TMEM154: variants seen among roughly 807,000 people sequenced by gnomAD.
The protein encoded by TMEM154 is transmembrane protein 154.
Under a neutral mutation model 24.5 loss-of-function variants are expected in TMEM154, and 27 were observed. That is an observed-to-expected ratio of 1.10 (90% CI 0.81 to 1.52). TMEM154 has a LOEUF of 1.52. TMEM154 is among the 40% of genes most tolerant of loss of function. The pLI, the probability that TMEM154 is intolerant of heterozygous loss-of-function variation, is 0.00. For missense variants in TMEM154, 228 were observed against 213.4 expected (o/e 1.07, Z -0.43); for synonymous variants, 67 against 76.8 (o/e 0.87, Z 0.67).
chr4:152,628,392 A>T lies in TMEM154; in HGVS notation c.*154T>A. 1 of 1,239,204 alleles carries T rather than the reference A, an allele frequency of 8.1e-7. No individual in the cohort carries two copies. Among genetic ancestry groups the T allele is most frequent in the Non-Finnish European group, 1.2e-6 (1 of 858,810 alleles). 76.8% of individuals were successfully genotyped at this position (1,239,204 alleles called of 1,614,324 possible). On this transcript the variant is annotated 3_prime_UTR_variant, in exon 7 of 7. Transcript: ENST00000304385. ...TCCAAGTGCAAGTGATGCCATCATT[A>T]GGAAGAGTGGGCGTTGGAAGAAACA...
At chr4:152,675,745 C>T (rs376788056) in intron 1 of TMEM154, among the ~76,000 whole-genome samples, 44 of 152,342 alleles carry the variant, frequency 2.9e-4, no homozygotes, top group African/African-American at 9.6e-4. Context: ...AATCTACCCT[C>T]GGACCAGTAG....
At chr4:152,662,149 C>G (rs1214291744) in intron 1 of TMEM154, among the ~76,000 whole-genome samples, 1 of 152,012 alleles carries the variant, frequency 6.6e-6, no homozygotes, top group Non-Finnish European at 1.5e-5. Flanking sequence ...CTTCAGTTTG[C>G]ACACAGGCAA....
chr4:152,639,437 T>C (rs544769440), intron 6 of TMEM154, among the ~76,000 whole-genome samples: 1 of 152,350 alleles, frequency 6.6e-6, no homozygotes, highest in South Asian at 2.1e-4. Context: ...TATGGAGTTT[T>C]AGTAGTGATC....
At chr4:152,639,767 C>T (rs981071940) in intron 6 of TMEM154, 1 of 152,758 alleles carries the variant, frequency 6.5e-6, no homozygotes, top group Admixed American at 6.5e-5. Context: ...CAAGCGCCAC[C>T]AAGCATGACC....
At chr4:152,652,626 T>C in intron 2 of TMEM154, 41 bp downstream of exon 2, 1 of 1,613,510 alleles carries the variant, frequency 6.2e-7, no homozygotes, top group Non-Finnish European at 8.5e-7. Context: ...CACTAACACA[T>C]GAAGCAATTT....
intron 1 of TMEM154, among the ~76,000 whole-genome samples, chr4:152,665,488 T>C (rs1728701077): frequency 6.6e-6 from 1 of 152,164 alleles, no homozygotes; most frequent in Non-Finnish European, 1.5e-5. Flanking sequence ...AAATCATCAC[T>C]GAAGTCTCAA....
Position 152,627,126 on chromosome 4 carries a change from T to G in TMEM154, c.*1420A>C, listed in dbSNP as rs1250544496. 6.6e-6 allele frequency: 1 copy of G among 152,266 alleles called. No individual in the cohort carries two copies. Among genetic ancestry groups the G allele is most frequent in the Non-Finnish European group, 1.5e-5 (1 of 68,048 alleles). The allele number at this position is 152,266 out of a possible 1,614,324, so 9.4% of individuals were successfully genotyped here. ...GAAAGACCTCTCTGGTCTGGAACTC[T>G]GCCTTTGAAATTATCCACGTAGTTC... is the stretch of plus-strand genomic sequence containing the variant. On this transcript the variant is annotated 3_prime_UTR_variant, in exon 7 of 7. Transcript: ENST00000304385.
intron 4 of TMEM154, among the ~76,000 whole-genome samples, chr4:152,644,047 A>C (rs1331459206): frequency 6.6e-6 from 1 of 152,132 alleles, no homozygotes; most frequent in East Asian, 1.9e-4. Flanking sequence ...ATACCAGCTC[A>C]AGTATCTTTC....
At chr4:152,631,728 G>A (rs1168858387) in intron 6 of TMEM154, among the ~76,000 whole-genome samples, 2 of 149,952 alleles carry the variant, frequency 1.3e-5, no homozygotes, top group African/African-American at 4.9e-5. Flanking sequence ...ACCATGGCCA[G>A]CCAGCCTATT....
intron 6 of TMEM154, among the ~76,000 whole-genome samples, chr4:152,631,808 T>G (rs2149777743): frequency 8.1e-6 from 1 of 123,008 alleles, no homozygotes; most frequent in Middle Eastern, 3.7e-3. Flanking sequence ...TTTTTTTTTT[T>G]TTTTTTTTTT....
intron 1 of TMEM154, among the ~76,000 whole-genome samples, chr4:152,661,689 A>T (rs1728616774): frequency 6.6e-6 from 1 of 152,212 alleles, no homozygotes; most frequent in East Asian, 1.9e-4. Context: ...TCTAATCTGT[A>T]CAACTAAGGA....
chr4:152,630,277 A>C (rs1752010769), intron 6 of TMEM154, among the ~76,000 whole-genome samples: 1 of 129,724 alleles, frequency 7.7e-6, no homozygotes, highest in Non-Finnish European at 1.6e-5. Flanking sequence ...GTGCCACTGC[A>C]CTCCAGCCTG....
At chr4:152,666,424 C>T (rs1048177040) in intron 1 of TMEM154, 1 of 152,068 alleles carries the variant, frequency 6.6e-6, no homozygotes, top group Non-Finnish European at 1.5e-5. Context: ...TTCGTGAAGA[C>T]AGTCATTAGT....
intron 1 of TMEM154, among the ~76,000 whole-genome samples, chr4:152,675,982 G>A (rs371411816): frequency 1.4e-4 from 22 of 152,256 alleles, no homozygotes; most frequent in African/African-American, 4.6e-4. Flanking sequence ...GTATTTGGTC[G>A]TAATGGCCAG....
chr4:152,639,283 A>G (rs557210795), intron 6 of TMEM154, among the ~76,000 whole-genome samples: 1 of 152,342 alleles, frequency 6.6e-6, no homozygotes, highest in African/African-American at 2.4e-5. Flanking sequence ...TTTCACTGCC[A>G]TACAATTCTG....
intron 1 of TMEM154, among the ~76,000 whole-genome samples, chr4:152,670,962 A>T (rs1728823288): frequency 6.6e-6 from 1 of 152,168 alleles, no homozygotes; most frequent in Admixed American, 6.5e-5. Flanking sequence ...CGGTAATTAT[A>T]ATACAGATTA....
chr4:152,665,786 T>G (rs1483719606), intron 1 of TMEM154, among the ~76,000 whole-genome samples: 1 of 147,608 alleles, frequency 6.8e-6, no homozygotes, highest in African/African-American at 2.5e-5. Context: ...CCCAAGAATT[T>G]GCTTTTTTTT....
intron 6 of TMEM154, among the ~76,000 whole-genome samples, chr4:152,634,026 C>T (rs113975646): frequency 0.021 from 2,053 of 99,678 alleles, 72 homozygotes; most frequent in African/African-American, 0.069. Flanking sequence ...AGTGAGACCC[C>T]ATCTCAAAAA....
At chr4:152,665,084 A>T (rs1728689464) in intron 1 of TMEM154, among the ~76,000 whole-genome samples, 1 of 152,176 alleles carries the variant, frequency 6.6e-6, no homozygotes, top group Non-Finnish European at 1.5e-5. Flanking sequence ...GTTACATCAA[A>T]ATACCTGAGG....
Sources: allele counts gnomAD v4.1 joint callset (sites outside exome capture counted in the v4.1 genomes callset), GRCh38; gene constraint gnomAD v4.1.1; transcripts MANE v1.5; gene names NCBI Gene and HGNC (gene_info 2026-07-23, HGNC 2026-07-21).